Variants in RFX4 observed in about 807,000 individuals in gnomAD.
The protein encoded by RFX4 is transcription factor RFX4.
Under a neutral mutation model 95.0 loss-of-function variants are expected in RFX4, and 10 were observed. The observed-to-expected ratio is 0.11, with a 90% confidence interval of 0.06 to 0.18. The LOEUF (loss-of-function observed/expected upper bound fraction) is 0.18. Ranked by LOEUF, RFX4 falls within the 10% of genes least tolerant of loss-of-function variation. The pLI is 1.00. For missense variants in RFX4, 640 were observed against 922.0 expected (o/e 0.69, Z 3.96); for synonymous variants, 321 against 340.7 (o/e 0.94, Z 0.64).
intron 4 of RFX4, 110 bp downstream of exon 4, chr12:106,654,461 T>G: frequency 7.8e-7 from 1 of 1,289,714 alleles, no homozygotes; most frequent in Non-Finnish European, 1.0e-6. Context: ...AAGTACTTAC[T>G]TACTTTGGTA....
chr12:106,722,327 C>A (rs541491712), intron 13 of RFX4, among the ~76,000 whole-genome samples: 1 of 152,326 alleles, frequency 6.6e-6, no homozygotes, highest in Admixed American at 6.5e-5. Flanking sequence ...CATGCTTTAT[C>A]CTTTACTCTT....
At chr12:106,695,893 G>C (rs868147632) in intron 7 of RFX4, among the ~76,000 whole-genome samples, 12 of 152,280 alleles carry the variant, frequency 7.9e-5, no homozygotes, top group Middle Eastern at 3.4e-3. Context: ...CTGAGGTTCA[G>C]TGGGCTCAAA....
At chr12:106,750,442 A>G (rs1460870950) in intron 16 of RFX4, among the ~76,000 whole-genome samples, 1 of 148,090 alleles carries the variant, frequency 6.8e-6, no homozygotes, top group Non-Finnish European at 1.5e-5. Context: ...ATGCCACTGC[A>G]CTCCAGCCTG....
chr12:106,683,764 TAA>T (rs1409539197), intron 5 of RFX4: 4 of 152,216 alleles, frequency 2.6e-5, no homozygotes, highest in Admixed American at 1.3e-4. Context: ...GCAGAAATAG[TAA>T]AGACACACAG....
Position 106,688,946 on chromosome 12 carries a change from G to A in RFX4, c.592-341G>A, listed in dbSNP as rs2041722981. On this transcript the variant is annotated intron_variant, in intron 6 of 17. Coordinates refer to ENST00000392842, the MANE Select transcript of RFX4 (RefSeq NM_213594.3). ...CTTAGCTCTATGTGCCAGGCACTGT[G>A]CTAAGTGCTGGATACATGAGCATGA... Among the ~76,000 whole-genome samples, 3 of 152,298 alleles carry A rather than the reference G, an allele frequency of 2.0e-5. No individual in the cohort carries two copies. The South Asian group carries it at 6.2e-4, about 32-fold the overall frequency.
intron 2 of RFX4, among the ~76,000 whole-genome samples, chr12:106,637,357 TAG>T (rs2040534386): frequency 6.6e-6 from 1 of 152,240 alleles, no homozygotes; most frequent in Non-Finnish European, 1.5e-5. Context: ...AGATATTTTC[TAG>T]ATTCAGCTTT....
chr12:106,606,608 C>T (rs960948522), intron 1 of RFX4, among the ~76,000 whole-genome samples: 1 of 152,124 alleles, frequency 6.6e-6, no homozygotes, highest in Admixed American at 6.5e-5. Flanking sequence ...ATTGTGCATT[C>T]GATGTCTGGA....
intron 3 of RFX4, among the ~76,000 whole-genome samples, chr12:106,648,075 G>A (rs2040783520): frequency 6.6e-6 from 1 of 152,198 alleles, no homozygotes; most frequent in South Asian, 2.1e-4. Flanking sequence ...AGACATAACA[G>A]CAGCTGGCAT....
rs1397245906 is a variant in RFX4 at position 106,762,036 on chromosome 12, T to C, written c.*567T>C. On this transcript the variant is annotated 3_prime_UTR_variant, in exon 18 of 18. Transcript: ENST00000392842. ...CACCAGGGCTAAATGGGGAGCTATCTGGAAACTCTAGATTTTCTGTCATAC... is the reference window on the plus strand; with the variant it reads ...CACCAGGGCTAAATGGGGAGCTATCCGGAAACTCTAGATTTTCTGTCATAC... 3.9e-5 allele frequency: 6 copies of C among 152,736 alleles called. No individual in the cohort carries two copies. In the South Asian group the frequency reaches 1.0e-3, roughly 26 times the overall value. The allele number at this position is 152,736 out of a possible 1,614,324, so 9.5% of individuals were successfully genotyped here. A position where few individuals can be genotyped will look rare whatever the true frequency, so the allele number is the denominator to read the frequency against.
intron 1 of RFX4, among the ~76,000 whole-genome samples, chr12:106,589,796 C>A (rs2039512122): frequency 6.6e-6 from 1 of 152,188 alleles, no homozygotes; most frequent in Admixed American, 6.5e-5. Flanking sequence ...CCAGAGAAAA[C>A]CCCTCTGAAG....
intron 2 of RFX4, among the ~76,000 whole-genome samples, chr12:106,617,880 C>T (rs12297220): frequency 6.6e-6 from 1 of 152,148 alleles, no homozygotes; most frequent in Non-Finnish European, 1.5e-5. Context: ...GTGCCTGTCA[C>T]TATGCCTGGC....
chr12:106,641,175 A>G (rs756091094), intron 3 of RFX4, among the ~76,000 whole-genome samples: 1 of 152,082 alleles, frequency 6.6e-6, no homozygotes, highest in Non-Finnish European at 1.5e-5. Flanking sequence ...GTTCACATCT[A>G]TTTTTCTGGG....
intron 2 of RFX4, among the ~76,000 whole-genome samples, chr12:106,632,517 TAC>T (rs1247474099): frequency 6.6e-6 from 1 of 152,220 alleles, no homozygotes; most frequent in African/African-American, 2.4e-5. Flanking sequence ...TGTGTTCTCC[TAC>T]TCTCTACTCT....
At chr12:106,718,702 T>C (rs1337586656) in intron 11 of RFX4, among the ~76,000 whole-genome samples, 1 of 152,244 alleles carries the variant, frequency 6.6e-6, no homozygotes, top group Non-Finnish European at 1.5e-5. Flanking sequence ...TCTTGAATTG[T>C]GGTTTGATTT....
chr12:106,744,629 CAG>C (rs2042860258), intron 15 of RFX4, among the ~76,000 whole-genome samples: 1 of 152,230 alleles, frequency 6.6e-6, no homozygotes, highest in African/African-American at 2.4e-5. Flanking sequence ...GATGATGAAA[CAG>C]AAGCTCATAA....
chr12:106,608,774 TTC>T (rs1251624293), intron 1 of RFX4, 21 bp from the exon 2 acceptor site: 1 of 1,556,180 alleles, frequency 6.4e-7, no homozygotes, highest in Non-Finnish European at 8.6e-7. Context: ...TTTTCTTTCT[TTC>T]TTTCTTTTTT....
At chr12:106,757,549 A>C (rs1210061066) in intron 17 of RFX4, among the ~76,000 whole-genome samples, 28 of 143,892 alleles carry the variant, frequency 1.9e-4, no homozygotes, top group African/African-American at 6.8e-4. Context: ...CCCTGTCTCA[A>C]AAAAAAAAAA....
intron 3 of RFX4, among the ~76,000 whole-genome samples, chr12:106,647,872 G>A (rs1025345211): frequency 9.8e-5 from 15 of 152,294 alleles, no homozygotes; most frequent in Non-Finnish European, 2.2e-4. Flanking sequence ...TGAAGGAAGT[G>A]AGAGAGTTCA....
intron 4 of RFX4, among the ~76,000 whole-genome samples, chr12:106,669,720 G>T (rs60276653): frequency 7.9e-5 from 12 of 151,784 alleles, no homozygotes; most frequent in Admixed American, 3.3e-4. Flanking sequence ...AAAAAAATAC[G>T]TACATAGACA....
Sources: gnomAD v4.1 joint callset for allele counts (sites outside exome capture counted in the v4.1 genomes callset) on GRCh38, gnomAD v4.1.1 for gene constraint, MANE v1.5 for transcripts, NCBI Gene and HGNC (gene_info 2026-07-23, HGNC 2026-07-21) for gene names.